Variants in COL21A1 observed in about 807,000 individuals in gnomAD.
COL21A1 encodes the protein collagen type XXI alpha 1 chain.
COL21A1 carries 149 observed loss-of-function variants against 137.9 expected under a neutral mutation model. That is an observed-to-expected ratio of 1.08 (90% CI 0.95 to 1.24). The LOEUF (loss-of-function observed/expected upper bound fraction) is 1.24. Ranked by LOEUF, COL21A1 falls within the 50% of genes most tolerant of loss-of-function variation. COL21A1 has a pLI of 0.00. For missense variants in COL21A1, 1,167 were observed against 1,158.4 expected, an observed-to-expected ratio of 1.01 and a Z score of -0.11; for synonymous variants, 456 against 391.5, an observed-to-expected ratio of 1.16 and a Z score of -1.95.
At position 56,171,027 on chromosome 6, in the gene COL21A1, G is replaced by A. The variant is rs1472486062; in HGVS notation, c.742C>T (p.Gln248Ter). The change falls in exon 4 of 30, where the codon CAG (glutamine) becomes TAG (stop). Residue 248 changes from glutamine (Q) to a stop codon, truncating the protein, a stop_gained. Coordinates refer to ENST00000244728, the MANE Select transcript of COL21A1 (RefSeq NM_030820.4). LOFTEE classifies it high-confidence loss of function. ...DVNKKVKKRI[Q>*]LSPKKIKGYE... ...CCTTTTATCTTTTTTGGTGAAAGCTGTATTCTTTTCTTAACCTTTTTATTT... is the reference window on the plus strand; with the variant it reads ...CCTTTTATCTTTTTTGGTGAAAGCTATATTCTTTTCTTAACCTTTTTATTT... 4 of 1,607,374 alleles carry A rather than the reference G, an allele frequency of 2.5e-6. No homozygotes were observed. The highest frequency in any genetic ancestry group is 4.5e-5 in the East Asian group (2 of 44,774).
At chr6:56,281,015 G>C (rs1562038013) in intron 1 of COL21A1, among the ~76,000 whole-genome samples, 1 of 150,650 alleles carries the variant, frequency 6.6e-6, no homozygotes, top group African/African-American at 2.5e-5. Flanking sequence ...AAAAAATAAA[G>C]ATAAAAAAAG....
upstream of COL21A1, among the ~76,000 whole-genome samples, chr6:56,247,899 G>A (rs1031737301): frequency 6.6e-6 from 1 of 152,200 alleles, no homozygotes; most frequent in Admixed American, 6.5e-5. Flanking sequence ...CCAGAGCATC[G>A]CCTGCACTGA....
At position 56,112,680 on chromosome 6, in the gene COL21A1, C is replaced by CTTT. The variant is rs777172358; in HGVS notation, c.1759-11158_1759-11156dup. Among the ~76,000 whole-genome samples, 40 of 129,670 alleles carry CTTT rather than the reference C, an allele frequency of 3.1e-4. 6 individuals are homozygous for CTTT. The highest frequency in any genetic ancestry group is 4.0e-4 in the Non-Finnish European group (24 of 60,548). 85.1% of individuals were successfully genotyped at this position (129,670 alleles called of 152,430 possible). On this transcript the variant is annotated intron_variant, in intron 16 of 29. Transcript: ENST00000244728. ...CACAGAAGAAGTTTTTTTTTCTTTT[C>CTTT]TTTTTTCTTTTTTTTTTTTTTGAGA...
At chr6:56,158,266 C>CTTTTTTTTTTTTTTTTTTTTT (rs67453245) in intron 9 of COL21A1, among the ~76,000 whole-genome samples, 2 of 62,406 alleles carry the variant, frequency 3.2e-5, no homozygotes, top group Admixed American at 2.5e-4. Flanking sequence ...TTTTTTTTTT[C>CTTTTTTTTTTTTTTTTTTTTT]TTTTTTTTTT....
chr6:56,329,375 A>G (rs1765170472), intron 1 of COL21A1, among the ~76,000 whole-genome samples: 2 of 151,996 alleles, frequency 1.3e-5, no homozygotes, highest in Admixed American at 6.6e-5. Context: ...GAGGAAAGAG[A>G]TGGATGGAGA....
At chr6:56,258,437 G>T (rs943294276) in intron 1 of COL21A1, among the ~76,000 whole-genome samples, 2 of 152,060 alleles carry the variant, frequency 1.3e-5, no homozygotes, top group African/African-American at 4.8e-5. Flanking sequence ...ATCCAACGGA[G>T]GACCTCAAAT....
At chr6:56,258,646 A>T (rs1304290207) in intron 1 of COL21A1, among the ~76,000 whole-genome samples, 1 of 152,324 alleles carries the variant, frequency 6.6e-6, no homozygotes, top group East Asian at 1.9e-4. Flanking sequence ...GTTTTGGCTC[A>T]CAGGTAACAA....
intron 1 of COL21A1, among the ~76,000 whole-genome samples, chr6:56,194,319 T>G (rs1280654436): frequency 6.6e-6 from 1 of 152,206 alleles, no homozygotes; most frequent in Non-Finnish European, 1.5e-5. Flanking sequence ...TCATTAAAAC[T>G]GGTGTGTTTC....
At chr6:56,223,396 A>G (rs1156506769) in intron 1 of COL21A1, among the ~76,000 whole-genome samples, 1 of 152,156 alleles carries the variant, frequency 6.6e-6, no homozygotes, top group Non-Finnish European at 1.5e-5. Context: ...CCTTCATTCT[A>G]TAACATGACT....
chr6:56,196,901 C>G (rs1779057834), intron 1 of COL21A1, among the ~76,000 whole-genome samples: 1 of 151,640 alleles, frequency 6.6e-6, no homozygotes, highest in African/African-American at 2.4e-5. Flanking sequence ...TGTATGGAAC[C>G]ACAAAAAAAC....
chr6:56,109,760 A>C (rs1440914049), intron 16 of COL21A1, among the ~76,000 whole-genome samples: 1 of 152,010 alleles, frequency 6.6e-6, no homozygotes, highest in Non-Finnish European at 1.5e-5. Flanking sequence ...TATGCCAAGA[A>C]ATTTGCAAGT....
chr6:56,104,001 C>G (rs1406635599), intron 16 of COL21A1, among the ~76,000 whole-genome samples: 2 of 152,192 alleles, frequency 1.3e-5, no homozygotes, highest in African/African-American at 4.8e-5. Context: ...ATGAATCCCT[C>G]TCTTCTATGA....
chr6:56,087,107 T>TTTTGTTTTGC (rs1200141909), intron 17 of COL21A1, among the ~76,000 whole-genome samples: 25 of 134,078 alleles, frequency 1.9e-4, no homozygotes, highest in Non-Finnish European at 3.8e-4. Flanking sequence ...TTTTGTTTTG[T>TTTTGTTTTGC]TTTGCCATAT....
chr6:56,359,913 AAG>A (rs148554005), intron 1 of COL21A1, among the ~76,000 whole-genome samples: 5,294 of 152,304 alleles, frequency 0.035, 128 homozygotes, highest in South Asian at 0.066. Flanking sequence ...TCCTTCTGCA[AAG>A]AGTCATTGCA....
chr6:56,158,558 T>C (rs1775963376), intron 9 of COL21A1, among the ~76,000 whole-genome samples: 1 of 152,042 alleles, frequency 6.6e-6, no homozygotes, highest in South Asian at 2.1e-4. Context: ...AGTTGTGAAC[T>C]ACTGAGCCTG....
chr6:56,224,952 C>T (rs1436355093), intron 1 of COL21A1, among the ~76,000 whole-genome samples: 2 of 151,900 alleles, frequency 1.3e-5, no homozygotes, highest in East Asian at 1.9e-4. Context: ...TGCTGTTGAG[C>T]AAGATACCAT....
intron 23 of COL21A1, 84 bp from the exon 24 acceptor site, chr6:56,064,706 G>A (rs1185639448): frequency 3.9e-6 from 3 of 777,024 alleles, no homozygotes; most frequent in East Asian, 6.1e-5. Flanking sequence ...GTATTACCTT[G>A]AGTTCCAGAA....
At position 56,148,338 on chromosome 6, in the gene COL21A1, CAGAG is replaced by C. The variant is rs150898619; in HGVS notation, c.1435-6359_1435-6356del. Among the ~76,000 whole-genome samples, 621 of 133,274 alleles carry C rather than the reference CAGAG, an allele frequency of 4.7e-3. 2 individuals carry two copies. Among genetic ancestry groups the C allele is most frequent in the African/African-American group, 0.015 (531 of 34,946 alleles). 87.4% of individuals were successfully genotyped at this position (133,274 alleles called of 152,430 possible). On this transcript the variant is annotated intron_variant, in intron 10 of 29. Coordinates refer to ENST00000244728, the MANE Select transcript of COL21A1 (RefSeq NM_030820.4). Reference sequence around the variant, plus strand: ...TTTAGCTTATTAGTGAGACAAGAGACAGAGAGAGAGAGAGAGAGAGAGAGAGAGA... The same window carrying C: ...TTTAGCTTATTAGTGAGACAAGAGACAGAGAGAGAGAGAGAGAGAGAGAGA...
chr6:56,288,364 G>C (rs1280963533), intron 1 of COL21A1, among the ~76,000 whole-genome samples: 1 of 152,064 alleles, frequency 6.6e-6, no homozygotes, highest in Non-Finnish European at 1.5e-5. Flanking sequence ...GATTGCTGTG[G>C]TACACTTTAA....
Sources: allele counts gnomAD v4.1 joint callset (sites outside exome capture counted in the v4.1 genomes callset), GRCh38; gene constraint gnomAD v4.1.1; transcripts MANE v1.5; gene names NCBI Gene and HGNC (gene_info 2026-07-23, HGNC 2026-07-21).